The following KDM3A variants were observed in gnomAD, a reference collection of about 807,000 sequenced individuals.
The protein encoded by KDM3A is lysine-specific demethylase 3A.
In KDM3A, 60 loss-of-function variants were observed where a neutral mutation model predicts 158.0. That is an observed-to-expected ratio of 0.38 (90% CI 0.31 to 0.47). The LOEUF (loss-of-function observed/expected upper bound fraction) is 0.47, where lower values mean the gene tolerates loss of function less well. Among genes scored for constraint, KDM3A ranks in the 20% least tolerant of loss-of-function variants. The pLI is 0.99. For synonymous variants in KDM3A, 608 were observed against 549.3 expected, an observed-to-expected ratio of 1.11 and a Z score of -1.49; for missense variants, 1,319 against 1,574.3, an observed-to-expected ratio of 0.84 and a Z score of 2.74.
intron 8 of KDM3A, among the ~76,000 whole-genome samples, chr2:86,459,340 A>G (rs1292922090): frequency 6.6e-6 from 1 of 152,220 alleles, no homozygotes; most frequent in African/African-American, 2.4e-5. Context: ...ATATAATAAT[A>G]ATTTCTTTAT....
At chr2:86,463,366 A>T (rs1673002560) in intron 8 of KDM3A, among the ~76,000 whole-genome samples, 1 of 152,134 alleles carries the variant, frequency 6.6e-6, no homozygotes, top group South Asian at 2.1e-4. Flanking sequence ...TATGGTGGGA[A>T]GTTTATTTTT....
chr2:86,450,177 T>G (rs1672383439), intron 3 of KDM3A, among the ~76,000 whole-genome samples: 1 of 152,190 alleles, frequency 6.6e-6, no homozygotes, highest in African/African-American at 2.4e-5. Flanking sequence ...GTAGTGGGAA[T>G]GTCTAGGTCA....
intron 12 of KDM3A, among the ~76,000 whole-genome samples, chr2:86,475,693 C>T (rs1028284824): frequency 1.4e-4 from 21 of 152,298 alleles, no homozygotes; most frequent in African/African-American, 4.8e-4. Context: ...CACCATGGGG[C>T]ATCTGTCTTG....
chr2:86,445,980 C>T (rs1682944405), intron 2 of KDM3A, among the ~76,000 whole-genome samples: 1 of 152,126 alleles, frequency 6.6e-6, no homozygotes, highest in African/African-American at 2.4e-5. Flanking sequence ...TGCTTTTAAA[C>T]TTGGAAACAT....
At chr2:86,485,321 G>A (rs1269497412) in intron 20 of KDM3A, among the ~76,000 whole-genome samples, 2 of 152,238 alleles carry the variant, frequency 1.3e-5, no homozygotes, top group Non-Finnish European at 2.9e-5. Context: ...TTTGGAGGCA[G>A]TTGTGGAATC....
At chr2:86,489,919 C>A (rs1374226315) in intron 23 of KDM3A, 12 of 338,746 alleles carry the variant, frequency 3.5e-5, no homozygotes, top group Admixed American at 8.6e-5. Flanking sequence ...TTTTTGTTCT[C>A]TGCTTTCAAG....
intron 25 of KDM3A, 193 bp from the exon 26 acceptor site, chr2:86,491,846 T>C (rs1022207341): frequency 1.8e-6 from 1 of 569,216 alleles, no homozygotes; most frequent in Admixed American, 3.1e-5. Flanking sequence ...GTTCTTGAAA[T>C]CATGGGTTTA....
At chr2:86,442,389 GGTT>G in intron 2 of KDM3A, 156 bp downstream of exon 2, 1 of 713,694 alleles carries the variant, frequency 1.4e-6, no homozygotes, top group East Asian at 2.8e-5. Flanking sequence ...TCTTTGGAAT[GGTT>G]GTATAGAGCC....
chr2:86,447,245 A>G (rs1253228555), intron 2 of KDM3A, among the ~76,000 whole-genome samples: 1 of 151,842 alleles, frequency 6.6e-6, no homozygotes, highest in African/African-American at 2.4e-5. Flanking sequence ...ATACAGCATA[A>G]TATTTGAAAG....
Position 86,482,027 on chromosome 2 carries a change from C to T in KDM3A, c.2610C>T (p.Asn870=). Residue 870 remains asparagine, a synonymous_variant, in exon 17 of 26, where the codon AAC becomes AAT. Transcript: ENST00000312912. ...SKSSTVLHTF[N]STILTPVSNN... ...CCAGCACAGTCCTCCATACGTTTAACAGCACAATTTTGACACCCGTAAGCA... is the reference window on the plus strand; with the variant it reads ...CCAGCACAGTCCTCCATACGTTTAATAGCACAATTTTGACACCCGTAAGCA... 1 of 1,614,136 alleles carries T rather than the reference C, an allele frequency of 6.2e-7. No homozygotes were observed. Among genetic ancestry groups the T allele is most frequent in the Non-Finnish European group, 8.5e-7 (1 of 1,179,966 alleles).
At chr2:86,447,237 A>G (rs891696871) in intron 2 of KDM3A, among the ~76,000 whole-genome samples, 2 of 152,000 alleles carry the variant, frequency 1.3e-5, no homozygotes, top group Admixed American at 6.6e-5. Context: ...TTTGGCTAAT[A>G]CAGCATAATA....
At chr2:86,470,506 G>A in intron 11 of KDM3A, 98 bp downstream of exon 11, 2 of 976,268 alleles carry the variant, frequency 2.0e-6, no homozygotes, top group Admixed American at 2.2e-5. Context: ...AGTAAATCTA[G>A]AAGTAAAAAG....
In KDM3A at chr2:86,457,028, A is replaced by G. The variant is rs1364218181; in HGVS notation, c.800A>G (p.Asn267Ser). 4 of 1,599,770 alleles carry G rather than the reference A, an allele frequency of 2.5e-6. No individual in the cohort carries two copies. Among genetic ancestry groups the G allele is most frequent in the African/African-American group, 1.3e-5 (1 of 74,632 alleles). Reference protein sequence around the residue: ...IGAVKRKSSENNGTLVSKQAK... With the variant: ...IGAVKRKSSESNGTLVSKQAK... ...GCTGTAAAACGCAAGTCTTCTGAGA[A>G]TAATGGAACCCTGGTTTCCAAACAA... The change falls in exon 8 of 26, where the codon AAT (asparagine) becomes AGT (serine). Residue 267 changes from asparagine (N) to serine (S), a missense_variant. Asn to Ser is a conservative substitution (Grantham distance 46, BLOSUM62 1). Transcript: ENST00000312912.
rs569604500 is a variant in KDM3A at position 86,485,753 on chromosome 2, T to C, written c.3207T>C (p.Ile1069=). The change falls in exon 21 of 26, where the codon ATT becomes ATC. Residue 1069 remains isoleucine (I), a synonymous_variant. Coordinates refer to ENST00000312912, the MANE Select transcript of KDM3A (RefSeq NM_018433.6). ...GGTTTGATGATCTGATGGCCAACATTCCACTGCCCGAGTACACAAGGCGAG... is the reference window on the plus strand; with the variant it reads ...GGTTTGATGATCTGATGGCCAACATCCCACTGCCCGAGTACACAAGGCGAG... ...PSRFDDLMAN[I]PLPEYTRRDG... 26 of 1,614,086 alleles carry C rather than the reference T, an allele frequency of 1.6e-5. No homozygotes were observed. In the Admixed American group the frequency reaches 4.2e-4, roughly 26 times the overall value.
At chr2:86,464,839 C>T (rs1200593648) in intron 9 of KDM3A, among the ~76,000 whole-genome samples, 1 of 152,184 alleles carries the variant, frequency 6.6e-6, no homozygotes, top group Non-Finnish European at 1.5e-5. Flanking sequence ...GCAGTTGATA[C>T]AGCCTTAAGA....
upstream of KDM3A, among the ~76,000 whole-genome samples, chr2:86,439,300 C>G (rs538955312): frequency 2.0e-5 from 3 of 152,084 alleles, no homozygotes; most frequent in East Asian, 5.8e-4. Context: ...TCTTTGCATT[C>G]ATATAACACT....
rs757434162 is a variant in KDM3A at position 86,456,560 on chromosome 2, TGAG to T, written c.680_681+1del. On this transcript the variant is annotated inframe_deletion, in exon 6 of 26. Transcript: ENST00000312912. Reference sequence around the variant, plus strand: ...CATCAAAAACTCTTCAAGTCAACTGTGAGGAGGTAAAGACAACAATAACTCTTT... The same window carrying T: ...CATCAAAAACTCTTCAAGTCAACTGTGAGGTAAAGACAACAATAACTCTTT... 9.2e-5 allele frequency: 147 copies of T among 1,606,152 alleles called. 1 individual carries two copies. The East Asian group carries it at 3.3e-3, about 36-fold the overall frequency.
chr2:86,456,999 T>G lies in KDM3A; in HGVS notation c.771T>G (p.Ile257Met), dbSNP rs779545759. 2 of 1,603,438 alleles carry G rather than the reference T, an allele frequency of 1.2e-6. No individual in the cohort carries two copies. Residue 257 changes from isoleucine to methionine, a missense_variant, in exon 8 of 26, where the codon ATT becomes ATG. Ile to Met is a conservative substitution (Grantham distance 10). Around this residue, in one of 4 missense-constraint regions of KDM3A, gnomAD observed 652 missense variants for 627.2 expected, o/e 1.04. Transcript: ENST00000312912. ...ATATTTTAGGTAATTCTGCAAGAAT[T>G]GGAGCTGTAAAACGCAAGTCTTCTG... ...NLVTCGNSAR[I>M]GAVKRKSSEN...
chr2:86,460,513 C>G (rs969890610), intron 8 of KDM3A, among the ~76,000 whole-genome samples: 1 of 152,148 alleles, frequency 6.6e-6, no homozygotes, highest in South Asian at 2.1e-4. Flanking sequence ...GTTGGACTGG[C>G]ACTTTTAGGG....
Sources: gnomAD v4.1 joint callset for allele counts (sites outside exome capture counted in the v4.1 genomes callset) on GRCh38, gnomAD v4.1.1 for gene constraint, gnomAD v4.1.1 regional missense constraint, MANE v1.5 for transcripts, NCBI Gene and HGNC (gene_info 2026-07-23, HGNC 2026-07-21) for gene names.